Variants in PDE4D observed in about 807,000 individuals in gnomAD.
PDE4D encodes the protein 3',5'-cyclic-AMP phosphodiesterase 4D.
PDE4D carries 24 observed loss-of-function variants against 87.4 expected under a neutral mutation model. The observed-to-expected ratio is 0.27, with a 90% CI of 0.20 to 0.39. The LOEUF is 0.39. Ranked by LOEUF, PDE4D falls within the 10% of genes least tolerant of loss-of-function variation. The probability of loss-of-function intolerance (pLI) is 1.00; values close to 1 mark genes in which losing one functional copy is unlikely to be tolerated. For synonymous variants in PDE4D, 384 were observed against 383.2 expected, an observed-to-expected ratio of 1.00 and a Z score of -0.02; for missense variants, 714 against 1,041.0, an observed-to-expected ratio of 0.69 and a Z score of 4.32.
At chr5:60,374,286 T>C (rs1337716839) in intron 1 of PDE4D, among the ~76,000 whole-genome samples, 2 of 151,018 alleles carry the variant, frequency 1.3e-5, no homozygotes, top group African/African-American at 2.4e-5. Flanking sequence ...GCCATCTCTC[T>C]CCCCCCAAAA....
At chr5:59,173,276 T>C (rs552334205) in intron 5 of PDE4D, among the ~76,000 whole-genome samples, 2 of 152,302 alleles carry the variant, frequency 1.3e-5, no homozygotes, top group South Asian at 4.1e-4. Flanking sequence ...AATCAATTCC[T>C]GGTCAAAAAG....
intron 1 of PDE4D, among the ~76,000 whole-genome samples, chr5:59,815,725 A>T (rs1768902188): frequency 6.6e-6 from 1 of 152,250 alleles, no homozygotes; most frequent in East Asian, 1.9e-4. Context: ...TCACAAATGC[A>T]TACAAAATAC....
chr5:59,190,157 G>A (rs1581271246), intron 3 of PDE4D, among the ~76,000 whole-genome samples: 1 of 152,156 alleles, frequency 6.6e-6, no homozygotes, highest in East Asian at 1.9e-4. Context: ...CTCAAGAAGA[G>A]GCAGAAGATG....
Position 60,480,631 on chromosome 5 carries a change from C to A in PDE4D, c.-90+7311G>T, listed in dbSNP as rs79448859. Among the ~76,000 whole-genome samples, 197 of 152,216 alleles carry A rather than the reference C, an allele frequency of 1.3e-3. 4 individuals are homozygous for A. In the East Asian group the frequency reaches 0.036, roughly 28 times the overall value. ...GTTCTTGCCATTTTCATGACAAAAACCACAATTACTTTTGCACCAACCTTT... is the reference window on the plus strand; with the variant it reads ...GTTCTTGCCATTTTCATGACAAAAAACACAATTACTTTTGCACCAACCTTT... On this transcript the variant is annotated intron_variant, in intron 1 of 16. Coordinates refer to the PDE4D transcript ENST00000502484.
chr5:59,619,519 G>C (rs1830102261), intron 1 of PDE4D, among the ~76,000 whole-genome samples: 1 of 152,162 alleles, frequency 6.6e-6, no homozygotes, highest in Admixed American at 6.5e-5. Flanking sequence ...GCAAGCGGAT[G>C]GCTGCATTTT....
chr5:59,892,097 C>A (rs1348894975), intron 1 of PDE4D, among the ~76,000 whole-genome samples: 1 of 152,118 alleles, frequency 6.6e-6, no homozygotes, highest in Non-Finnish European at 1.5e-5. Flanking sequence ...AGGGGATTCA[C>A]GGCGTGGAAG....
At chr5:60,468,310 T>C (rs2150186605) in intron 1 of PDE4D, among the ~76,000 whole-genome samples, 1 of 152,078 alleles carries the variant, frequency 6.6e-6, no homozygotes, top group South Asian at 2.1e-4. Flanking sequence ...GGCTAATTTC[T>C]ATATTTTTAA....
chr5:59,586,393 C>A, intron 1 of PDE4D: 1 of 1,608,636 alleles, frequency 6.2e-7, no homozygotes. Context: ...GATCTTCTGT[C>A]ATTAATATTT....
chr5:59,830,465 T>A (rs1032292660), intron 1 of PDE4D, among the ~76,000 whole-genome samples: 1 of 152,122 alleles, frequency 6.6e-6, no homozygotes, highest in Non-Finnish European at 1.5e-5. Flanking sequence ...TCCAAACTAA[T>A]CTTTCAGTCA....
chr5:60,375,906 GTA>G (rs1761392411), intron 1 of PDE4D, among the ~76,000 whole-genome samples: 1 of 152,160 alleles, frequency 6.6e-6, no homozygotes, highest in African/African-American at 2.4e-5. Flanking sequence ...GGGTGTGGTG[GTA>G]CGCGCCTGTA....
At chr5:60,326,941 T>G (rs866530637) in intron 1 of PDE4D, among the ~76,000 whole-genome samples, 2 of 152,110 alleles carry the variant, frequency 1.3e-5, no homozygotes, top group African/African-American at 4.8e-5. Context: ...CTTTCTCTCC[T>G]ACTTTTAGAT....
In PDE4D at chr5:60,343,106, C is replaced by A. The variant is rs147849725; in HGVS notation, c.-90+144836G>T. Among the ~76,000 whole-genome samples the A allele has an allele frequency of 5.1e-3, 771 of 152,232 alleles. 5 individuals carry two copies. Among genetic ancestry groups the A allele is most frequent in the Middle Eastern group, 6.8e-3 (2 of 294 alleles). On this transcript the variant is annotated intron_variant, in intron 1 of 16. Transcript: ENST00000502484. ...TGTAAGGAAATCCTAATTTTAAAAT[C>A]ATTAATTTTAAAGTTAACTTCCAAG...
intron 1 of PDE4D, among the ~76,000 whole-genome samples, chr5:60,230,433 G>A (rs1745661792): frequency 6.6e-6 from 1 of 152,086 alleles, no homozygotes; most frequent in South Asian, 2.1e-4. Flanking sequence ...ACTTATTCTA[G>A]TTGGATTTTT....
At chr5:59,613,426 G>A (rs578044026) in intron 1 of PDE4D, among the ~76,000 whole-genome samples, 7 of 152,274 alleles carry the variant, frequency 4.6e-5, no homozygotes, top group Non-Finnish European at 7.3e-5. Flanking sequence ...GATCCAGATC[G>A]GTAGAGACTT....
At chr5:59,571,021 C>T (rs1406965779) in intron 1 of PDE4D, among the ~76,000 whole-genome samples, 2 of 152,082 alleles carry the variant, frequency 1.3e-5, no homozygotes, top group Non-Finnish European at 2.9e-5. Flanking sequence ...AAATAACTAC[C>T]GTTTCCAGTC....
chr5:59,207,340 A>T (rs2153500728), intron 2 of PDE4D, among the ~76,000 whole-genome samples: 1 of 152,244 alleles, frequency 6.6e-6, no homozygotes, highest in African/African-American at 2.4e-5. Flanking sequence ...AATATCCACA[A>T]CTGGGTGAAC....
chr5:60,125,901 C>T (rs951753621), intron 2 of PDE4D, among the ~76,000 whole-genome samples: 1 of 151,992 alleles, frequency 6.6e-6, no homozygotes, highest in African/African-American at 2.4e-5. Context: ...TGTTAAAGAC[C>T]GTCTTCCTAA....
intron 1 of PDE4D, among the ~76,000 whole-genome samples, chr5:59,495,180 C>A (rs1428206783): frequency 2.6e-5 from 4 of 152,182 alleles, no homozygotes; most frequent in Non-Finnish European, 5.9e-5. Context: ...CTTGACCACA[C>A]TGAAGTCGGG....
chr5:59,997,851 T>C (rs563607583), intron 2 of PDE4D, among the ~76,000 whole-genome samples: 2 of 152,336 alleles, frequency 1.3e-5, no homozygotes, highest in African/African-American at 4.8e-5. Flanking sequence ...ATAAAAACTG[T>C]ACAAAAAACT....
Sources: allele counts gnomAD v4.1 joint callset (sites outside exome capture counted in the v4.1 genomes callset), GRCh38; gene constraint gnomAD v4.1.1; transcripts MANE v1.5; gene names NCBI Gene and HGNC (gene_info 2026-07-23, HGNC 2026-07-21).